Variants in THEMIS observed in about 807,000 individuals in gnomAD.
THEMIS encodes the protein protein THEMIS.
Under a neutral mutation model 52.6 loss-of-function variants are expected in THEMIS, and 37 were observed. The observed-to-expected ratio is 0.70, with a 90% confidence interval of 0.54 to 0.93. THEMIS has a LOEUF of 0.93. Ranked by LOEUF, THEMIS falls within the 40% of genes least tolerant of loss-of-function variation. THEMIS has a pLI of 0.00. For synonymous variants in THEMIS, 292 were observed against 272.7 expected (o/e 1.07, Z -0.70); for missense variants, 808 against 763.1 (o/e 1.06, Z -0.69).
intron 4 of THEMIS, among the ~76,000 whole-genome samples, chr6:127,798,710 G>A (rs1777415824): frequency 6.6e-6 from 1 of 152,136 alleles, no homozygotes; most frequent in African/African-American, 2.4e-5. Flanking sequence ...ATTAAAGACG[G>A]CCGGGCGCGG....
chr6:127,884,716 A>T (rs413612), intron 1 of THEMIS, among the ~76,000 whole-genome samples: 40,080 of 152,102 alleles, frequency 0.26, 5,836 homozygotes, highest in Middle Eastern at 0.42. Flanking sequence ...GCCGTAACAA[A>T]ATACCATAGA....
chr6:127,823,332 T>C (rs553002479), intron 3 of THEMIS, among the ~76,000 whole-genome samples: 38 of 152,228 alleles, frequency 2.5e-4, no homozygotes, highest in Non-Finnish European at 4.7e-4. Context: ...TGAATATAAA[T>C]GATATAAACT....
chr6:127,834,604 A>G (rs530216726), intron 2 of THEMIS, among the ~76,000 whole-genome samples: 1 of 152,090 alleles, frequency 6.6e-6, no homozygotes, highest in East Asian at 1.9e-4. Context: ...TAGTAATAAT[A>G]ATAATAATTG....
At chr6:127,766,085 G>C (rs986768091) in intron 4 of THEMIS, among the ~76,000 whole-genome samples, 4 of 152,046 alleles carry the variant, frequency 2.6e-5, no homozygotes, top group African/African-American at 7.2e-5. Context: ...CTGCACTCCT[G>C]ACTTTCAATT....
chr6:127,874,733 G>T (rs190074224), intron 1 of THEMIS, among the ~76,000 whole-genome samples: 1 of 152,312 alleles, frequency 6.6e-6, no homozygotes, highest in South Asian at 2.1e-4. Flanking sequence ...TAAGAAGAAG[G>T]TATGGCTATA....
intron 1 of THEMIS, among the ~76,000 whole-genome samples, chr6:127,883,786 G>C (rs1780560464): frequency 6.6e-6 from 1 of 152,108 alleles, no homozygotes; most frequent in Non-Finnish European, 1.5e-5. Flanking sequence ...TGAGGGTTCT[G>C]AGCACATTTA....
chr6:127,773,877 A>G (rs1776468457), intron 4 of THEMIS, among the ~76,000 whole-genome samples: 1 of 152,246 alleles, frequency 6.6e-6, no homozygotes, highest in African/African-American at 2.4e-5. Context: ...GGCTTATATT[A>G]GAGGCCCAGT....
At chr6:127,851,200 G>C (rs1450483898) in intron 2 of THEMIS, among the ~76,000 whole-genome samples, 1 of 151,448 alleles carries the variant, frequency 6.6e-6, no homozygotes, top group Non-Finnish European at 1.5e-5. Flanking sequence ...CCTAAAAGGA[G>C]AGCAGAGAGA....
At chr6:127,831,186 G>A (rs770477573) in intron 2 of THEMIS, among the ~76,000 whole-genome samples, 1 of 151,940 alleles carries the variant, frequency 6.6e-6, no homozygotes, top group African/African-American at 2.4e-5. Flanking sequence ...TTGAAATGTT[G>A]TCTCCATCAA....
intron 4 of THEMIS, among the ~76,000 whole-genome samples, chr6:127,721,164 TC>T (rs1380159310): frequency 6.6e-6 from 1 of 151,964 alleles, no homozygotes. Context: ...ACCCCAGTTG[TC>T]CAAGCTGAAG....
intron 4 of THEMIS, among the ~76,000 whole-genome samples, chr6:127,808,232 A>T (rs937016243): frequency 6.6e-6 from 1 of 152,198 alleles, no homozygotes; most frequent in Non-Finnish European, 1.5e-5. Flanking sequence ...CTGTCTTGTT[A>T]TAGACCCTTT....
At chr6:127,842,698 C>A (rs1197988726) in intron 2 of THEMIS, among the ~76,000 whole-genome samples, 2 of 151,934 alleles carry the variant, frequency 1.3e-5, no homozygotes, top group African/African-American at 2.4e-5. Context: ...TCTTTCTCCT[C>A]ACCTCAAAGG....
intron 5 of THEMIS, 150 bp from the exon 6 acceptor site, chr6:127,710,166 GAAA>G: frequency 5.7e-6 from 2 of 353,286 alleles, no homozygotes; most frequent in East Asian, 5.1e-5. Flanking sequence ...GCAAAATAAA[GAAA>G]AAAAAAAAAG....
At chr6:127,818,858 G>A (rs544504225) in intron 3 of THEMIS, among the ~76,000 whole-genome samples, 30 of 152,024 alleles carry the variant, frequency 2.0e-4, no homozygotes, top group African/African-American at 5.5e-4. Flanking sequence ...GGTGGCTCAC[G>A]CCTGTAATCC....
chr6:127,712,317 A>C (rs1774010760), intron 5 of THEMIS, among the ~76,000 whole-genome samples: 1 of 151,890 alleles, frequency 6.6e-6, no homozygotes, highest in South Asian at 2.1e-4. Flanking sequence ...CCCAATCTTC[A>C]CCCAGTGCAG....
At chr6:127,803,359 AT>A (rs1562267203) in intron 4 of THEMIS, among the ~76,000 whole-genome samples, 1 of 152,144 alleles carries the variant, frequency 6.6e-6, no homozygotes, top group South Asian at 2.1e-4. Flanking sequence ...AGGCAGTGTT[AT>A]GCCTACTTAT....
At chr6:127,918,222 G>T (rs993931219) in intron 1 of THEMIS, among the ~76,000 whole-genome samples, 1 of 152,088 alleles carries the variant, frequency 6.6e-6, no homozygotes, top group Non-Finnish European at 1.5e-5. Context: ...CCTGCAATTA[G>T]CATTCTAATC....
chr6:127,892,699 T>C lies in THEMIS; in HGVS notation c.91+8143A>G, dbSNP rs1780848067. On this transcript the variant is annotated intron_variant, in intron 1 of 5. Transcript: ENST00000368248. ...TTAAAATTAATTTCTAGTGATTGGA[T>C]GTTTATAAACATTTTTCTCTGTAGA... 4.6e-5 allele frequency among the ~76,000 whole-genome samples: 7 copies of C among 152,172 alleles called. No homozygotes were observed. In the South Asian group the frequency reaches 1.4e-3, roughly 32 times the overall value.
chr6:127,811,744 A>G (rs539943571), intron 4 of THEMIS, among the ~76,000 whole-genome samples: 2 of 152,340 alleles, frequency 1.3e-5, no homozygotes, highest in African/African-American at 4.8e-5. Flanking sequence ...AAATATGTTA[A>G]ATGGGAGAAG....
Sources: gnomAD v4.1 joint callset for allele counts (sites outside exome capture counted in the v4.1 genomes callset) on GRCh38, gnomAD v4.1.1 for gene constraint, MANE v1.5 for transcripts, NCBI Gene and HGNC (gene_info 2026-07-23, HGNC 2026-07-21) for gene names.